CAB39: variants seen among roughly 807,000 people sequenced by gnomAD.
CAB39 encodes calcium binding protein 39.
Under a neutral mutation model 40.0 loss-of-function variants are expected in CAB39, and 8 were observed. That is an observed-to-expected ratio of 0.20 (90% CI 0.12 to 0.36). The LOEUF is 0.36. Among genes scored for constraint, CAB39 ranks in the 10% least tolerant of loss-of-function variants. The pLI is 1.00. For missense variants in CAB39, 270 were observed against 401.1 expected (o/e 0.67, Z 2.79); for synonymous variants, 156 against 141.6 (o/e 1.10, Z -0.72).
chr2:230,748,827 AAAAAATATAT>A (rs1261465130), intron 1 of CAB39, among the ~76,000 whole-genome samples: 175 of 56,450 alleles, frequency 3.1e-3, no homozygotes, highest in African/African-American at 9.4e-3. Flanking sequence ...AAAAAAAAAA[AAAAAATATAT>A]ATATATATAT....
chr2:230,790,687 C>T (rs1452143545), intron 2 of CAB39, among the ~76,000 whole-genome samples, 185 bp from the exon 3 acceptor site: 1 of 152,128 alleles, frequency 6.6e-6, no homozygotes, highest in East Asian at 1.9e-4. Flanking sequence ...ATGTTGGTCC[C>T]CATGTGCACG....
At chr2:230,745,539 C>CT (rs1393903798) in intron 1 of CAB39, among the ~76,000 whole-genome samples, 1 of 152,190 alleles carries the variant, frequency 6.6e-6, no homozygotes, top group Non-Finnish European at 1.5e-5. Flanking sequence ...AGAAAAGGAA[C>CT]TTTATCAATG....
At chr2:230,756,296 G>A (rs1695188844) in intron 1 of CAB39, among the ~76,000 whole-genome samples, 1 of 152,166 alleles carries the variant, frequency 6.6e-6, no homozygotes, top group Non-Finnish European at 1.5e-5. Context: ...ATTGCTCTTA[G>A]GCTATAAACC....
At chr2:230,726,335 T>TG (rs1483063476) in intron 1 of CAB39, among the ~76,000 whole-genome samples, 2 of 151,616 alleles carry the variant, frequency 1.3e-5, no homozygotes, top group East Asian at 3.9e-4. Flanking sequence ...GCTAATTTTT[T>TG]GTATTTTTTT....
intron 1 of CAB39, among the ~76,000 whole-genome samples, chr2:230,749,897 A>G (rs191675715): frequency 2.6e-5 from 4 of 152,302 alleles, no homozygotes; most frequent in Admixed American, 2.0e-4. Flanking sequence ...ATACTGGACA[A>G]CCTAATAGAC....
chr2:230,723,288 G>A (rs1007961475), intron 1 of CAB39, among the ~76,000 whole-genome samples: 6 of 151,926 alleles, frequency 3.9e-5, no homozygotes, highest in African/African-American at 7.3e-5. Context: ...GGGGATTTAC[G>A]ATAGTGGGAG....
Position 230,818,902 on chromosome 2 carries a change from C to T in CAB39, c.*198C>T, listed in dbSNP as rs115435589. On this transcript the variant is annotated 3_prime_UTR_variant, in exon 9 of 9. Coordinates refer to ENST00000258418, the MANE Select transcript of CAB39 (RefSeq NM_016289.4). ...GCTTGCACACTAGGGCACATGTGGG[C>T]TTTCTCTTGATCTTTGTGTCATTTC... 812 of 511,842 alleles carry T rather than the reference C, an allele frequency of 1.6e-3. 4 individuals are homozygous for T. The highest frequency in any genetic ancestry group is 0.013 in the African/African-American group (698 of 51,716). 31.7% of individuals were successfully genotyped at this position (511,842 alleles called of 1,614,324 possible). A position where few individuals can be genotyped will look rare whatever the true frequency, so the allele number is the denominator to read the frequency against.
At chr2:230,781,890 A>C (rs1012394915) in intron 2 of CAB39, among the ~76,000 whole-genome samples, 2 of 152,322 alleles carry the variant, frequency 1.3e-5, no homozygotes, top group East Asian at 3.9e-4. Flanking sequence ...CTTGAAACAC[A>C]GTCTCGCTCT....
chr2:230,756,427 C>T (rs149332476), intron 1 of CAB39, among the ~76,000 whole-genome samples: 2 of 152,252 alleles, frequency 1.3e-5, no homozygotes, highest in Non-Finnish European at 2.9e-5. Flanking sequence ...TTGACTGAAA[C>T]CTCATCAGGC....
Position 230,818,833 on chromosome 2 carries a change from AC to A in CAB39, c.*132del. The A allele has an allele frequency of 1.3e-6, 1 of 756,880 alleles. No individual in the cohort carries two copies. The highest frequency in any genetic ancestry group is 2.8e-5 in the East Asian group (1 of 35,426). The allele number at this position is 756,880 out of a possible 1,614,324, so 46.9% of individuals were successfully genotyped here. A position where few individuals can be genotyped will look rare whatever the true frequency, so the allele number is the denominator to read the frequency against. On this transcript the variant is annotated 3_prime_UTR_variant, in exon 9 of 9. Coordinates refer to ENST00000258418, the MANE Select transcript of CAB39 (RefSeq NM_016289.4). ...TGTTAAGTGAACGGTTTTTCATTTT[AC>A]CCTTTTGTTTTTCAGTCCAGGTTGG...
At chr2:230,787,198 A>G (rs1255061848) in intron 2 of CAB39, among the ~76,000 whole-genome samples, 2 of 152,260 alleles carry the variant, frequency 1.3e-5, no homozygotes, top group East Asian at 1.9e-4. Flanking sequence ...AACCTTTGGA[A>G]TATAACTTGG....
intron 5 of CAB39, among the ~76,000 whole-genome samples, chr2:230,805,567 A>T (rs987205702): frequency 1.3e-5 from 2 of 152,188 alleles, no homozygotes; most frequent in Non-Finnish European, 2.9e-5. Flanking sequence ...TCTGCTGCTG[A>T]TCTCACCTCC....
rs1696470189 is a variant in CAB39 at position 230,819,584 on chromosome 2, AC to A, written c.*881del. The A allele has an allele frequency of 6.6e-6, 1 of 152,658 alleles. No homozygotes were observed. Among genetic ancestry groups the A allele is most frequent in the Non-Finnish European group, 1.5e-5 (1 of 68,042 alleles). 9.5% of individuals were successfully genotyped at this position (152,658 alleles called of 1,614,324 possible). On this transcript the variant is annotated 3_prime_UTR_variant, in exon 9 of 9. Coordinates refer to ENST00000258418, the MANE Select transcript of CAB39 (RefSeq NM_016289.4). ...ACCTAATACTGAGTTTTTGCAAAAA[AC>A]AATGAATGCTCATATGTAATTGAAA...
At position 230,746,947 on chromosome 2, in the gene CAB39, GATAC is replaced by G. The variant is rs1341383619; in HGVS notation, c.-43-13000_-43-12997del. ...AGAGGCCTCCAGATTAGTTGGGAGT[GATAC>G]ATACATACATAATAACACATTATAA... On this transcript the variant is annotated intron_variant, in intron 1 of 8. Coordinates refer to ENST00000258418, the MANE Select transcript of CAB39 (RefSeq NM_016289.4). 4.6e-5 allele frequency among the ~76,000 whole-genome samples: 7 copies of G among 152,168 alleles called. No homozygotes were observed. The East Asian group carries it at 9.6e-4, about 21-fold the overall frequency.
chr2:230,713,886 C>T (rs1288208847), intron 1 of CAB39: 2 of 152,260 alleles, frequency 1.3e-5, no homozygotes, highest in Non-Finnish European at 2.9e-5. Context: ...ACTGCGATAC[C>T]GGGAAGGAGG....
chr2:230,718,092 C>A (rs538228941), intron 1 of CAB39, among the ~76,000 whole-genome samples: 6 of 152,274 alleles, frequency 3.9e-5, no homozygotes, highest in Admixed American at 1.3e-4. Flanking sequence ...TGGGGAAAAT[C>A]TAGCCATTAT....
At chr2:230,785,055 G>T (rs1209991600) in intron 2 of CAB39, among the ~76,000 whole-genome samples, 1 of 152,190 alleles carries the variant, frequency 6.6e-6, no homozygotes, top group Non-Finnish European at 1.5e-5. Flanking sequence ...TGCACTGTGG[G>T]CTCCGGTGTG....
chr2:230,767,665 G>A (rs1324047101), intron 2 of CAB39, among the ~76,000 whole-genome samples: 1 of 152,154 alleles, frequency 6.6e-6, no homozygotes. Context: ...GGCCTGCAAA[G>A]TCTAAAATAT....
chr2:230,760,320 C>T (rs1298082429), intron 2 of CAB39, among the ~76,000 whole-genome samples: 2 of 151,994 alleles, frequency 1.3e-5, no homozygotes, highest in Admixed American at 6.5e-5. Context: ...GTCAGGTTTT[C>T]GAGTTTATTT....
Sources: gnomAD v4.1 joint callset for allele counts (sites outside exome capture counted in the v4.1 genomes callset) on GRCh38, gnomAD v4.1.1 for gene constraint, MANE v1.5 for transcripts, NCBI Gene and HGNC (gene_info 2026-07-23, HGNC 2026-07-21) for gene names.